DNHD1: variants seen among roughly 807,000 people sequenced by gnomAD.
DNHD1 encodes dynein heavy chain domain-containing protein 1.
A neutral mutation model predicts 458.1 loss-of-function variants in DNHD1; 383 were observed. That is an observed-to-expected ratio of 0.84 (90% CI 0.77 to 0.91). The LOEUF (loss-of-function observed/expected upper bound fraction) is 0.91, where lower values mean the gene tolerates loss of function less well. DNHD1 is among the 40% of genes least tolerant of loss of function. The pLI, the probability that DNHD1 is intolerant of heterozygous loss-of-function variation, is 0.00. For missense variants in DNHD1, 5,336 were observed against 5,866.1 expected (o/e 0.91, Z 2.95); for synonymous variants, 2,203 against 2,376.9 (o/e 0.93, Z 2.13).
Position 6,539,908 on chromosome 11 carries a change from C to T in DNHD1, c.3453C>T (p.Ala1151=). The T allele has an allele frequency of 6.4e-7, 1 of 1,551,738 alleles. No individual in the cohort carries two copies. ...VWQNENERIH[A]QETIRRLQRY... Reference sequence around the variant, plus strand: ...AGAATGAAAATGAACGAATTCATGCCCAAGAGACTATACGGCGGTTGCAGC... The same window carrying T: ...AGAATGAAAATGAACGAATTCATGCTCAAGAGACTATACGGCGGTTGCAGC... Residue 1151 remains alanine, a synonymous_variant, in exon 18 of 43, where the codon GCC becomes GCT. Transcript: ENST00000254579.
Position 6,502,810 on chromosome 11 carries a change from C to T in DNHD1, c.804C>T (p.Gly268=), listed in dbSNP as rs762146719. ...REKAFQKSST[G]FSPETSFLDS... is the part of the protein sequence containing the mutation. The stretch of plus-strand genomic sequence containing the variant: ...AGGCCTTCCAAAAGAGCAGCACCGG[C>T]TTTTCACCTGAGACTTCCTTCCTGG... The change falls in exon 4 of 43, where the codon GGC becomes GGT. Residue 268 remains glycine (G), a synonymous_variant. Transcript: ENST00000254579. 6.2e-7 allele frequency: 1 copy of T among 1,612,862 alleles called. No homozygotes were observed. The highest frequency in any genetic ancestry group is 8.5e-7 in the Non-Finnish European group (1 of 1,179,464).
rs187988526 is a variant in DNHD1, at chr11:6,551,882, G to A, written c.7387+2949G>A. 2.2e-4 allele frequency among the ~76,000 whole-genome samples: 29 copies of A among 134,228 alleles called. 1 individual carries two copies. The highest frequency in any genetic ancestry group is 1.4e-3 in the East Asian group (7 of 4,988). 88.1% of individuals were successfully genotyped at this position (134,228 alleles called of 152,430 possible). A position where few individuals can be genotyped will look rare whatever the true frequency, so the allele number is the denominator to read the frequency against. On this transcript the variant is annotated intron_variant, in intron 24 of 42. Coordinates refer to ENST00000254579, the MANE Select transcript of DNHD1 (RefSeq NM_144666.3). ...CTTGAACCAGGGAGGTGGAAGTTGCGGTGAGCTGAGATTTGCACCACTGCA... is the reference window on the plus strand; with the variant it reads ...CTTGAACCAGGGAGGTGGAAGTTGCAGTGAGCTGAGATTTGCACCACTGCA...
At chr11:6,529,311 G>A (rs2134407393) in intron 12 of DNHD1, among the ~76,000 whole-genome samples, 190 bp downstream of exon 12, 1 of 152,236 alleles carries the variant, frequency 6.6e-6, no homozygotes, top group Admixed American at 6.5e-5. Flanking sequence ...GCAAAGGCCG[G>A]CCTCTCTGTT....
chr11:6,510,035 T>G (rs1356731275), intron 6 of DNHD1, among the ~76,000 whole-genome samples: 1 of 152,206 alleles, frequency 6.6e-6, no homozygotes, highest in Non-Finnish European at 1.5e-5. Context: ...CACATTTTGT[T>G]ATGAAATTTC....
At position 6,567,497 on chromosome 11, in the gene DNHD1, G is replaced by A; in HGVS notation, c.11988G>A (p.Leu3996=). ...AWHECEMLEL[L]PPFVGLCASL... ...ATGAATGTGAGATGTTAGAGCTGCT[G>A]CCCCCATTTGTTGGCCTGTGTGCCT... Residue 3996 remains leucine (L), a synonymous_variant, in exon 36 of 43, where the codon CTG becomes CTA. Coordinates refer to ENST00000254579, the MANE Select transcript of DNHD1 (RefSeq NM_144666.3). 1 of 1,613,676 alleles carries A rather than the reference G, an allele frequency of 6.2e-7. No individual in the cohort carries two copies. The highest frequency in any genetic ancestry group is 1.3e-5 in the African/African-American group (1 of 75,072).
chr11:6,504,004 T>A (rs181455240), intron 4 of DNHD1: 17 of 152,322 alleles, frequency 1.1e-4, no homozygotes, highest in African/African-American at 4.1e-4. Flanking sequence ...CAAAGCTACA[T>A]AATAAATGGT....
rs374444054 is a variant in DNHD1, at chr11:6,570,746, G to A, written c.13234G>A (p.Ala4412Thr). 1.2e-6 allele frequency: 2 copies of A among 1,611,516 alleles called. No individual in the cohort carries two copies. Among genetic ancestry groups the A allele is most frequent in the African/African-American group, 1.3e-5 (1 of 74,874 alleles). Residue 4412 changes from alanine to threonine, a missense_variant, in exon 42 of 43, where the codon GCT becomes ACT. By Grantham distance (58) the Ala-to-Thr change is moderately conservative. Transcript: ENST00000254579. ...QAWLLRRQSR[A>T]LLSALQRSSP... ...CTGGCTGTTGCGACGCCAGAGTCGC[G>A]CTCTCTTGAGTGCGCTGCAGCGGAG...
At position 6,498,156 on chromosome 11, in the gene DNHD1, C is replaced by A. The variant is rs930916170; in HGVS notation, c.-60C>A. 6.4e-6 allele frequency: 10 copies of A among 1,561,514 alleles called. No individual in the cohort carries two copies. The highest frequency in any genetic ancestry group is 8.7e-6 in the Non-Finnish European group (10 of 1,151,830). On this transcript the variant is annotated 5_prime_UTR_variant, in exon 3 of 43. Coordinates refer to ENST00000254579, the MANE Select transcript of DNHD1 (RefSeq NM_144666.3). ...CCCGCATCTGGCATCCTGGAACTGGCAGTTGGAGCCTGAGCTATGGGCAAG... is the reference window on the plus strand; with the variant it reads ...CCCGCATCTGGCATCCTGGAACTGGAAGTTGGAGCCTGAGCTATGGGCAAG...
Position 6,548,146 on chromosome 11 carries a change from A to C in DNHD1, c.6906-64A>C. 6.5e-7 allele frequency: 1 copy of C among 1,543,898 alleles called. No homozygotes were observed. On this transcript the variant is annotated intron_variant, in intron 22 of 42. Transcript: ENST00000254579. The surrounding 1 kb of genome is among the most constrained non-coding windows in gnomAD (Gnocchi z 4.4). ...CTGTTAGGGTATGGTGGAGTGTGTG[A>C]GTGTGTCATAAATGGAAGTGTTGTA... is the stretch of plus-strand genomic sequence containing the variant.
chr11:6,567,403 C>T lies in DNHD1; in HGVS notation c.11894C>T (p.Pro3965Leu), dbSNP rs1853732535. Residue 3965 changes from proline (P) to leucine (L), a missense_variant, in exon 36 of 43, where the codon CCC becomes CTC. By Grantham distance (98) the Pro-to-Leu change is moderately conservative. Around this residue, in one of 4 missense-constraint regions of DNHD1, gnomAD observed 695 missense variants for 804.2 expected, o/e 0.86. Transcript: ENST00000254579. The part of the protein sequence containing the change: ...LALWPGLAAS[P>L]STVHSKPVSD... ...CTCTGGCCTGGACTAGCAGCCTCTCCCAGCACAGTCCACAGCAAGCCAGTC... is the reference window on the plus strand; with the variant it reads ...CTCTGGCCTGGACTAGCAGCCTCTCTCAGCACAGTCCACAGCAAGCCAGTC... 2.5e-6 allele frequency: 4 copies of T among 1,613,492 alleles called. No homozygotes were observed. Among genetic ancestry groups the T allele is most frequent in the Non-Finnish European group, 3.4e-6 (4 of 1,179,708 alleles).
chr11:6,541,185 CTT>C (rs1853092155), intron 18 of DNHD1, among the ~76,000 whole-genome samples: 1 of 152,168 alleles, frequency 6.6e-6, no homozygotes, highest in South Asian at 2.1e-4. Context: ...CTCTATGTGA[CTT>C]TTCCAGGTTT....
intron 4 of DNHD1, among the ~76,000 whole-genome samples, chr11:6,504,660 G>A (rs1302755160): frequency 6.6e-6 from 1 of 152,094 alleles, no homozygotes; most frequent in African/African-American, 2.4e-5. Flanking sequence ...TGTTGGTCAG[G>A]CTGGTCTTGA....
Position 6,563,924 on chromosome 11 carries a change from G to T in DNHD1, c.10084G>T (p.Ala3362Ser), listed in dbSNP as rs1853637603. Residue 3362 changes from alanine (A) to serine (S), a missense_variant, in exon 31 of 43, where the codon GCC (alanine) becomes TCC (serine). Transcript: ENST00000254579. ...GGAGGCAACACTCACTCGGGAGCAGGCCCGCCTGGGCTACTACCAGTTTCA... is the reference window on the plus strand; with the variant it reads ...GGAGGCAACACTCACTCGGGAGCAGTCCCGCCTGGGCTACTACCAGTTTCA... ...QVEATLTREQ[A>S]RLGYYQFQAQ... The T allele has an allele frequency of 6.4e-7, 1 of 1,551,582 alleles. No homozygotes were observed. The highest frequency in any genetic ancestry group is 8.7e-7 in the Non-Finnish European group (1 of 1,147,016).
chr11:6,560,186 A>T (rs1853557395), intron 28 of DNHD1, among the ~76,000 whole-genome samples: 1 of 152,172 alleles, frequency 6.6e-6, no homozygotes, highest in African/African-American at 2.4e-5. Context: ...GTATAACTTC[A>T]GAGCAGTGAA....
chr11:6,563,928 G>C lies in DNHD1; in HGVS notation c.10088G>C (p.Arg3363Pro), dbSNP rs568828009. The change falls in exon 31 of 43, where the codon CGC becomes CCC. Residue 3363 changes from arginine to proline, a missense_variant. By Grantham distance (103) the Arg-to-Pro change is moderately radical. Coordinates refer to ENST00000254579, the MANE Select transcript of DNHD1 (RefSeq NM_144666.3). ...GCAACACTCACTCGGGAGCAGGCCC[G>C]CCTGGGCTACTACCAGTTTCAGGCC... Reference protein sequence around the residue: ...VEATLTREQARLGYYQFQAQE... With the variant: ...VEATLTREQAPLGYYQFQAQE... 6.4e-7 allele frequency: 1 copy of C among 1,551,654 alleles called. No homozygotes were observed. The highest frequency in any genetic ancestry group is 2.0e-5 in the Admixed American group (1 of 51,002).
Position 6,557,920 on chromosome 11 carries a change from G to T in DNHD1, c.8625G>T (p.Leu2875=). The T allele has an allele frequency of 1.3e-6, 2 of 1,551,368 alleles. No homozygotes were observed. Among genetic ancestry groups the T allele is most frequent in the Non-Finnish European group, 1.7e-6 (2 of 1,146,976 alleles). Residue 2875 remains leucine (L), a synonymous_variant, in exon 25 of 43, where the codon CTG becomes CTT. Coordinates refer to ENST00000254579, the MANE Select transcript of DNHD1 (RefSeq NM_144666.3). The part of the protein sequence containing the change: ...CHSMAQHVAR[L]VRVLARPRQH... ...CCATGGCCCAGCACGTGGCCCGCCT[G>T]GTCCGGGTGCTGGCCAGGCCCCGGC... is the stretch of plus-strand genomic sequence containing the variant.
At chr11:6,538,896 C>A in intron 16 of DNHD1, 86 bp downstream of exon 16, 2 of 1,292,426 alleles carry the variant, frequency 1.5e-6, no homozygotes, top group Non-Finnish European at 2.1e-6. Flanking sequence ...GCTGCTCCTG[C>A]TGGAAACACC....
chr11:6,547,934 C>G lies in DNHD1; in HGVS notation c.6799C>G (p.Gln2267Glu). 1 of 1,551,880 alleles carries G rather than the reference C, an allele frequency of 6.4e-7. No homozygotes were observed. The highest frequency in any genetic ancestry group is 8.7e-7 in the Non-Finnish European group (1 of 1,147,044). ...AAAAAGCAGCTTTCTAAACCGGTCC[C>G]AGGTTGACAGTGACGATGTGCCAGA... Reference protein sequence around the residue: ...SSKSSFLNRSQVDSDDVPDKC... With the variant: ...SSKSSFLNRSEVDSDDVPDKC... The change falls in exon 22 of 43, where the codon CAG (glutamine) becomes GAG (glutamate). Residue 2267 changes from glutamine (Q) to glutamate (E), a missense_variant. Gln to Glu is a conservative substitution (Grantham distance 29). Coordinates refer to ENST00000254579, the MANE Select transcript of DNHD1 (RefSeq NM_144666.3).
intron 24 of DNHD1, among the ~76,000 whole-genome samples, chr11:6,549,534 C>T (rs1003080547): frequency 6.6e-6 from 1 of 152,188 alleles, no homozygotes; most frequent in Non-Finnish European, 1.5e-5. Flanking sequence ...GTCAGGCTTC[C>T]TCTAGACCCT....
Sources: allele counts gnomAD v4.1 joint callset (sites outside exome capture counted in the v4.1 genomes callset), GRCh38; gene constraint gnomAD v4.1.1; regional missense constraint gnomAD v4.1.1; non-coding constraint Gnocchi (gnomAD v3.1); transcripts MANE v1.5; gene names NCBI Gene and HGNC (gene_info 2026-07-23, HGNC 2026-07-21).